CEP15: variants seen among roughly 807,000 people sequenced by gnomAD.
CEP15 encodes the protein centrosomal protein 15, also known as centrosomal protein 15 kDa.
the CEP15 span, among the ~76,000 whole-genome samples, chr3:62,329,715 A>T: frequency 6.6e-5 from 10 of 152,334 alleles, no homozygotes; most frequent in Non-Finnish European, 2.9e-5. Context: ...TGTAAGAGAG[A>T]TAATAAGTAT....
chr3:62,324,729 A>G, the CEP15 span, among the ~76,000 whole-genome samples: 1 of 152,176 alleles, frequency 6.6e-6, no homozygotes, highest in Non-Finnish European at 1.5e-5. Flanking sequence ...TAGGACAGGT[A>G]CTTCAGAAGT....
At chr3:62,328,722 C>T in the CEP15 span, among the ~76,000 whole-genome samples, 1 of 151,998 alleles carries the variant, frequency 6.6e-6, no homozygotes, top group Non-Finnish European at 1.5e-5. Flanking sequence ...CTTATTTATG[C>T]ATTTAATGAA....
chr3:62,332,085 G>A, the CEP15 span, among the ~76,000 whole-genome samples: 9 of 151,956 alleles, frequency 5.9e-5, no homozygotes, highest in Non-Finnish European at 1.0e-4. Flanking sequence ...ATAAAACAAG[G>A]CAGTGATCAA....
chr3:62,322,176 A>G, the CEP15 span: 64 of 1,020,172 alleles, frequency 6.3e-5, no homozygotes, highest in African/African-American at 8.3e-4. The surrounding 1 kb of genome is among the most constrained non-coding windows in gnomAD (Gnocchi z 5.5). Flanking sequence ...TTACTAAAGC[A>G]GCATCTTTTT....
the CEP15 span, chr3:62,336,124 A>G: frequency 6.6e-6 from 1 of 152,078 alleles, no homozygotes; most frequent in East Asian, 1.9e-4. This position sits in a 1 kb window ranked among gnomAD's most constrained non-coding sequence, Gnocchi z 4.4. Context: ...AATTTTTGCT[A>G]TTTTGCATTA....
At chr3:62,335,891 G>A in the CEP15 span, 1 of 151,970 alleles carries the variant, frequency 6.6e-6, no homozygotes, top group African/African-American at 2.4e-5. Flanking sequence ...GAATGCTAAA[G>A]ATCAGAAGAA....
the CEP15 span, among the ~76,000 whole-genome samples, chr3:62,328,511 T>C: frequency 6.6e-6 from 1 of 152,230 alleles, no homozygotes; most frequent in African/African-American, 2.4e-5. Context: ...GGTTTCCATT[T>C]TGGGGGGAAT....
chr3:62,328,028 T>C, the CEP15 span, among the ~76,000 whole-genome samples: 1 of 152,196 alleles, frequency 6.6e-6, no homozygotes, highest in Non-Finnish European at 1.5e-5. Flanking sequence ...CCAGGCTCAT[T>C]GTGTGCCTTT....
At chr3:62,324,768 T>C in the CEP15 span, among the ~76,000 whole-genome samples, 1 of 152,214 alleles carries the variant, frequency 6.6e-6, no homozygotes, top group Admixed American at 6.5e-5. Context: ...ATGGTTCCAA[T>C]AAAACTTGAA....
chr3:62,324,022 C>T, the CEP15 span: 2 of 152,074 alleles, frequency 1.3e-5, no homozygotes, highest in African/African-American at 2.4e-5. Flanking sequence ...ATCCTACTTT[C>T]CTCGTATGTT....
At chr3:62,333,204 C>G in the CEP15 span, 8 of 1,587,592 alleles carry the variant, frequency 5.0e-6, no homozygotes, top group Non-Finnish European at 6.8e-6. The surrounding 1 kb of genome is among the most constrained non-coding windows in gnomAD (Gnocchi z 4.0). Context: ...TTATGAAGAG[C>G]CAAGTTCAAT....
At chr3:62,327,273 TAA>T in the CEP15 span, among the ~76,000 whole-genome samples, 1 of 152,232 alleles carries the variant, frequency 6.6e-6, no homozygotes. Context: ...AATTTTCTAG[TAA>T]CCACTTTTAA....
At chr3:62,327,301 CAG>C in the CEP15 span, among the ~76,000 whole-genome samples, 2 of 152,116 alleles carry the variant, frequency 1.3e-5, no homozygotes, top group Non-Finnish European at 2.9e-5. Context: ...TCAAAAGAAA[CAG>C]ATGAAATTAA....
the CEP15 span, among the ~76,000 whole-genome samples, chr3:62,330,537 A>G: frequency 7.9e-5 from 12 of 152,168 alleles, no homozygotes; most frequent in Non-Finnish European, 1.6e-4. Flanking sequence ...TATCAAGATA[A>G]GAATCTTTAC....
chr3:62,325,576 G>A, the CEP15 span, among the ~76,000 whole-genome samples: 2 of 152,144 alleles, frequency 1.3e-5, no homozygotes, highest in African/African-American at 2.4e-5. Context: ...TTCCCTGTTA[G>A]TATTAGTAAA....
At chr3:62,321,995 A>G in the CEP15 span, 1 of 1,610,198 alleles carries the variant, frequency 6.2e-7, no homozygotes, top group Non-Finnish European at 8.5e-7. This position sits in a 1 kb window ranked among gnomAD's most constrained non-coding sequence, Gnocchi z 4.1. Flanking sequence ...CACACAGAAA[A>G]GGCATCTCAA....
chr3:62,321,174 A>G, the CEP15 span, among the ~76,000 whole-genome samples: 2 of 152,216 alleles, frequency 1.3e-5, no homozygotes, highest in Non-Finnish European at 2.9e-5. The surrounding 1 kb of genome is among the most constrained non-coding windows in gnomAD (Gnocchi z 4.1). Flanking sequence ...ACTGTTATGT[A>G]TACCAACGTA....
At chr3:62,326,424 T>G in the CEP15 span, among the ~76,000 whole-genome samples, 8 of 152,190 alleles carry the variant, frequency 5.3e-5, no homozygotes, top group Admixed American at 3.9e-4. Context: ...TGGCCATAGC[T>G]GGATTCACTG....
chr3:62,328,926 T>G, the CEP15 span, among the ~76,000 whole-genome samples: 1 of 149,362 alleles, frequency 6.7e-6, no homozygotes, highest in East Asian at 2.0e-4. Context: ...TCAGTCAGGC[T>G]AAGGAATTCA....
Sources: gnomAD v4.1 joint callset for allele counts (sites outside exome capture counted in the v4.1 genomes callset) on GRCh38, gnomAD v4.1.1 for gene constraint, Gnocchi (gnomAD v3.1) non-coding constraint, MANE v1.5 for transcripts, NCBI Gene and HGNC (gene_info 2026-07-23, HGNC 2026-07-21) for gene names.